FAM47E: variants seen among roughly 807,000 people sequenced by gnomAD.
FAM47E encodes protein FAM47E.
Under a neutral mutation model 41.6 loss-of-function variants are expected in FAM47E, and 32 were observed. The observed-to-expected ratio is 0.77, with a 90% CI of 0.58 to 1.03. FAM47E has a LOEUF of 1.03. FAM47E is among the 50% of genes least tolerant of loss of function. The pLI is 0.00. For missense variants in FAM47E, 424 were observed against 485.4 expected, an observed-to-expected ratio of 0.87 and a Z score of 1.19; for synonymous variants, 184 against 188.7, an observed-to-expected ratio of 0.98 and a Z score of 0.20.
intron 7 of FAM47E, 155 bp downstream of exon 7, chr4:76,280,496 A>C (rs1735300272): frequency 1.9e-6 from 1 of 532,524 alleles, no homozygotes; most frequent in South Asian, 2.9e-5. Flanking sequence ...TTCTCCCCAG[A>C]CGGGGACTCA....
chr4:76,214,533 G>A (rs1307943498), intron 1 of FAM47E: 2 of 345,950 alleles, frequency 5.8e-6, no homozygotes, highest in East Asian at 1.7e-4. Context: ...AGGTGTTGAG[G>A]CCCCAAGAGG....
At chr4:76,264,844 C>T (rs1876537) in intron 3 of FAM47E, among the ~76,000 whole-genome samples, 53,614 of 152,086 alleles carry the variant, frequency 0.35, 10,116 homozygotes, top group Admixed American at 0.42. Flanking sequence ...GATCTGCCCA[C>T]CTCTGCCTTC....
At chr4:76,227,469 T>C (rs995282810) in intron 2 of FAM47E, among the ~76,000 whole-genome samples, 2 of 152,248 alleles carry the variant, frequency 1.3e-5, no homozygotes, top group Non-Finnish European at 2.9e-5. Context: ...ATATGGTCTA[T>C]CTTGGAGAAT....
At chr4:76,251,310 C>T (rs1733955449), upstream of FAM47E, among the ~76,000 whole-genome samples, 1 of 152,150 alleles carries the variant, frequency 6.6e-6, no homozygotes, top group African/African-American at 2.4e-5. Flanking sequence ...TCCAGGAAAA[C>T]ATCTCCCTGC....
chr4:76,269,895 CT>C (rs1040805583), intron 4 of FAM47E, among the ~76,000 whole-genome samples: 6 of 152,066 alleles, frequency 3.9e-5, no homozygotes, highest in African/African-American at 1.4e-4. Context: ...TCCTGAGTCT[CT>C]GTAGATGTCT....
chr4:76,271,961 A>G (rs1734911224), intron 5 of FAM47E, among the ~76,000 whole-genome samples, 193 bp downstream of exon 5: 1 of 152,208 alleles, frequency 6.6e-6, no homozygotes, highest in Non-Finnish European at 1.5e-5. Context: ...CAAATGAGGC[A>G]TGTCATTTGG....
rs767608349 is a variant in FAM47E at position 76,268,741 on chromosome 4, T to C, written c.642T>C (p.Asn214=). ...KPHKMDLLHE[N]GPRPGLHENG... ...ATAAAATGGATTTGCTCCATGAAAA[T>C]GGTCCTCGTCCTGGTCTTCATGAAA... The change falls in exon 4 of 8, where the codon AAT becomes AAC. Residue 214 remains asparagine (N), a synonymous_variant. Transcript: ENST00000424749. 9 of 1,551,540 alleles carry C rather than the reference T, an allele frequency of 5.8e-6. No individual in the cohort carries two copies. The highest frequency in any genetic ancestry group is 7.8e-6 in the Non-Finnish European group (9 of 1,146,926).
chr4:76,256,546 G>A (rs1734200886), intron 2 of FAM47E, 23 bp downstream of exon 2: 1 of 1,514,358 alleles, frequency 6.6e-7, no homozygotes, highest in Non-Finnish European at 8.9e-7. Context: ...AGGGTTTGTG[G>A]GAGGGGCTTC....
At chr4:76,254,648 A>T (rs944314509) in intron 1 of FAM47E, among the ~76,000 whole-genome samples, 3 of 152,174 alleles carry the variant, frequency 2.0e-5, no homozygotes, top group Non-Finnish European at 4.4e-5. Flanking sequence ...TCTTAAAAAC[A>T]CTTTGTAGCA....
At chr4:76,255,627 T>C (rs1258225990) in intron 1 of FAM47E, among the ~76,000 whole-genome samples, 25 of 152,170 alleles carry the variant, frequency 1.6e-4, no homozygotes, top group Admixed American at 1.6e-3. Flanking sequence ...AACTGCACTC[T>C]GTCCCTTTTA....
chr4:76,266,077 A>G (rs1734621113), intron 3 of FAM47E, among the ~76,000 whole-genome samples: 1 of 152,234 alleles, frequency 6.6e-6, no homozygotes, highest in Admixed American at 6.5e-5. Flanking sequence ...CTTGTTGTAT[A>G]CATAGTAGCA....
chr4:76,253,050 C>CT (rs999811936), intron 1 of FAM47E, among the ~76,000 whole-genome samples: 6 of 152,198 alleles, frequency 3.9e-5, no homozygotes, highest in African/African-American at 1.4e-4. Context: ...CCACCCCAGC[C>CT]TTGTCAATCG....
At chr4:76,236,166 A>T (rs1054235875) in intron 2 of FAM47E, 10 of 152,206 alleles carry the variant, frequency 6.6e-5, no homozygotes, top group Admixed American at 3.9e-4. Flanking sequence ...CAAACTGGTT[A>T]TTCAGGTTTA....
At chr4:76,225,451 T>C (rs972054693) in intron 2 of FAM47E, among the ~76,000 whole-genome samples, 1 of 152,232 alleles carries the variant, frequency 6.6e-6, no homozygotes, top group Non-Finnish European at 1.5e-5. Context: ...AAAATGGGCA[T>C]CCTTGTCTTG....
chr4:76,276,833 G>A (rs774131087), intron 5 of FAM47E, among the ~76,000 whole-genome samples: 1 of 152,168 alleles, frequency 6.6e-6, no homozygotes, highest in Non-Finnish European at 1.5e-5. Context: ...CTGTATGCTC[G>A]GAACAGAGAG....
At chr4:76,278,296 A>G in intron 6 of FAM47E, 72 bp downstream of exon 6, 1 of 1,396,518 alleles carries the variant, frequency 7.2e-7, no homozygotes, top group South Asian at 1.8e-5. Flanking sequence ...CCTCCTACTG[A>G]ACCAGACTCT....
chr4:76,229,742 G>C lies in FAM47E; in HGVS notation c.81+12054G>C, dbSNP rs1290837414. ...AGCACCTGCTCTGATGGAGGTATCA[G>C]GGGAGTGAAGTAGACTCTGTGAGAG... On this transcript the variant is annotated intron_variant, in intron 2 of 7. Transcript: ENST00000510197. 5.3e-5 allele frequency among the ~76,000 whole-genome samples: 8 copies of C among 152,332 alleles called. No individual in the cohort carries two copies. The East Asian group carries it at 1.5e-3, about 29-fold the overall frequency.
At chr4:76,236,210 G>GA (rs768799100) in intron 2 of FAM47E, 11 of 152,102 alleles carry the variant, frequency 7.2e-5, no homozygotes, top group Non-Finnish European at 1.3e-4. Context: ...AATGTTAAAG[G>GA]AAAATAATGA....
intron 2 of FAM47E, among the ~76,000 whole-genome samples, chr4:76,232,398 G>A (rs376338635): frequency 6.6e-6 from 1 of 152,008 alleles, no homozygotes; most frequent in African/African-American, 2.4e-5. Flanking sequence ...ACAGTTCTAC[G>A]GCTTATTCTA....
Sources: allele counts gnomAD v4.1 joint callset (sites outside exome capture counted in the v4.1 genomes callset), GRCh38; gene constraint gnomAD v4.1.1; transcripts MANE v1.5; gene names NCBI Gene and HGNC (gene_info 2026-07-23, HGNC 2026-07-21).